The following FAM120C variants were observed in gnomAD, a reference collection of about 807,000 sequenced individuals.
FAM120C encodes family with sequence similarity 120 member C, also known as constitutive coactivator of PPAR-gamma-like protein 2.
Under a neutral mutation model 71.2 loss-of-function variants are expected in FAM120C, and 14 were observed. That is an observed-to-expected ratio of 0.20 (90% CI 0.13 to 0.31). The LOEUF (loss-of-function observed/expected upper bound fraction) is 0.31. FAM120C is among the 10% of genes least tolerant of loss of function. The probability of loss-of-function intolerance (pLI) is 1.00; values close to 1 mark genes in which losing one functional copy is unlikely to be tolerated. For synonymous variants in FAM120C, 354 were observed against 353.2 expected (o/e 1.00, Z -0.03); for missense variants, 500 against 879.0 (o/e 0.57, Z 5.45).
At chrX:54,098,754 G>T in intron 10 of FAM120C, among the ~76,000 whole-genome samples, 1 of 111,014 alleles carries the variant, frequency 9.0e-6, no homozygotes, top group South Asian at 3.8e-4. Flanking sequence ...CTCCTGAGTA[G>T]CTGGGATTAC....
At chrX:54,174,793 T>C (rs1169407887) in intron 1 of FAM120C, among the ~76,000 whole-genome samples, 1 of 111,842 alleles carries the variant, frequency 8.9e-6, no homozygotes, top group Non-Finnish European at 1.9e-5. Context: ...AATGCAAAAA[T>C]ACATGCATGG....
At position 54,071,957 on chromosome X, in the gene FAM120C, T is replaced by C. The variant is rs1557120079; in HGVS notation, c.*1076A>G. ...CCATGTATGTATGTATGTATGTATG[T>C]ATGTATGTATGTGTGTATATATGTG... On this transcript the variant is annotated 3_prime_UTR_variant, in exon 16 of 16. Transcript: ENST00000375180. The C allele has an allele frequency of 1.9e-5, 2 of 104,038 alleles. No individual in the cohort carries two copies. The highest frequency in any genetic ancestry group is 3.9e-5 in the Non-Finnish European group (2 of 50,938). 8.6% of individuals were successfully genotyped at this position (104,038 alleles called of 1,213,427 possible). A position where few individuals can be genotyped will look rare whatever the true frequency, so the allele number is the denominator to read the frequency against.
Position 54,183,250 on chromosome X carries a change from G to A in FAM120C, c.-52C>T, listed in dbSNP as rs1255072701. On this transcript the variant is annotated 5_prime_UTR_variant, in exon 1 of 16. Transcript: ENST00000375180. ...CGGCTGCGCAAGCAGGATAGGCGAC[G>A]ATCTGGGCGCGAAGCTGGGGGCGGG... 2 of 795,269 alleles carry A rather than the reference G, an allele frequency of 2.5e-6. No individual in the cohort carries two copies. The allele number at this position is 795,269 out of a possible 1,213,427, so 65.5% of individuals were successfully genotyped here. A position where few individuals can be genotyped will look rare whatever the true frequency, so the allele number is the denominator to read the frequency against.
rs2067096142 is a variant in FAM120C at position 54,136,655 on chromosome X, T to A, written c.1159-65A>T. 1.3e-5 allele frequency: 10 copies of A among 748,530 alleles called. No individual in the cohort carries two copies. The South Asian group carries it at 2.5e-4, about 19-fold the overall frequency. 61.7% of individuals were successfully genotyped at this position (748,530 alleles called of 1,213,427 possible). A position where few individuals can be genotyped will look rare whatever the true frequency, so the allele number is the denominator to read the frequency against. On this transcript the variant is annotated intron_variant, in intron 4 of 15. Transcript: ENST00000375180. Reference sequence around the variant, plus strand: ...GAGAGTGTTTTTTTAATACAGTTCATAATTTGGGAATCAAAATAATTATCA... The same window carrying A: ...GAGAGTGTTTTTTTAATACAGTTCAAAATTTGGGAATCAAAATAATTATCA...
At chrX:54,125,356 T>A (rs2067021543) in intron 9 of FAM120C, among the ~76,000 whole-genome samples, 2 of 111,407 alleles carry the variant, frequency 1.8e-5, no homozygotes, top group East Asian at 5.6e-4. Context: ...TACAGTGCAG[T>A]GGAGTGATCT....
chrX:54,073,487 G>A (rs886646306), intron 15 of FAM120C, among the ~76,000 whole-genome samples, 200 bp from the exon 16 acceptor site: 19 of 108,575 alleles, frequency 1.7e-4, no homozygotes, highest in African/African-American at 6.1e-4. Context: ...CTGGGGTGTA[G>A]TCTGCAATCT....
chrX:54,096,280 G>A (rs1178025151), intron 10 of FAM120C, among the ~76,000 whole-genome samples: 5 of 110,224 alleles, frequency 4.5e-5, no homozygotes, highest in South Asian at 3.9e-4. Context: ...GTGTGGTGGC[G>A]TGCGCCTGTA....
At chrX:54,154,972 G>A (rs782015907) in intron 3 of FAM120C, among the ~76,000 whole-genome samples, 1 of 110,933 alleles carries the variant, frequency 9.0e-6, no homozygotes. Context: ...AGGCTGAGGT[G>A]GGAAGATCGC....
intron 4 of FAM120C, among the ~76,000 whole-genome samples, chrX:54,145,407 A>C (rs2067149705): frequency 8.9e-6 from 1 of 111,914 alleles, no homozygotes; most frequent in Non-Finnish European, 1.9e-5. Context: ...AAATTTTTAC[A>C]ATCTACCCAT....
At chrX:54,127,693 C>T (rs180836723) in intron 9 of FAM120C, among the ~76,000 whole-genome samples, 4 of 109,023 alleles carry the variant, frequency 3.7e-5, no homozygotes, top group Admixed American at 3.0e-4. Context: ...TGGATACAAG[C>T]AATCCTCTGG....
chrX:54,110,009 ATC>A (rs1299986121), intron 10 of FAM120C, among the ~76,000 whole-genome samples: 24 of 62,117 alleles, frequency 3.9e-4, no homozygotes, highest in African/African-American at 1.5e-3. Context: ...GTAGAAAAAT[ATC>A]TTTTTTTTTT....
intron 15 of FAM120C, among the ~76,000 whole-genome samples, chrX:54,075,847 G>A (rs782562880): frequency 7.8e-4 from 85 of 109,221 alleles, no homozygotes; most frequent in African/African-American, 2.7e-3. Flanking sequence ...GGGTGTGGTA[G>A]CTCACGCCTG....
intron 12 of FAM120C, among the ~76,000 whole-genome samples, chrX:54,086,754 C>CAAAAAA (rs60485302): frequency 1.7e-5 from 1 of 58,128 alleles, no homozygotes; most frequent in Non-Finnish European, 2.9e-5. Context: ...GAATCTGTCT[C>CAAAAAA]AAAAAAAAAA....
At chrX:54,154,255 T>C (rs1218750981) in intron 3 of FAM120C, among the ~76,000 whole-genome samples, 1 of 71,621 alleles carries the variant, frequency 1.4e-5, no homozygotes, top group South Asian at 8.7e-4. Flanking sequence ...AAATGAGATG[T>C]GGGGTATGGG....
intron 15 of FAM120C, among the ~76,000 whole-genome samples, chrX:54,077,102 T>C (rs782563895): frequency 4.5e-5 from 5 of 110,111 alleles, no homozygotes; most frequent in South Asian, 4.0e-4. Flanking sequence ...GCTAATATCA[T>C]TGGTCTGATT....
rs781872460 is a variant in FAM120C, at chrX:54,085,957, C to T, written c.2638-41G>A. 5.7e-5 allele frequency: 65 copies of T among 1,133,834 alleles called. No individual in the cohort carries two copies. In the Admixed American group the frequency reaches 1.1e-3, roughly 19 times the overall value. 93.4% of individuals were successfully genotyped at this position (1,133,834 alleles called of 1,213,427 possible). A position where few individuals can be genotyped will look rare whatever the true frequency, so the allele number is the denominator to read the frequency against. On this transcript the variant is annotated intron_variant, in intron 12 of 15. Coordinates refer to ENST00000375180, the MANE Select transcript of FAM120C (RefSeq NM_017848.6). ...AGTAATAATAGCAGCTGCCATTTTT[C>T]GAACTTGTCCCATGTTTTAGGCCCA...
chrX:54,080,852 C>T (rs1320599618), intron 14 of FAM120C, among the ~76,000 whole-genome samples: 2 of 77,672 alleles, frequency 2.6e-5, no homozygotes, highest in African/African-American at 9.0e-5. Context: ...ACAAGTGAAA[C>T]TCCATCTCAA....
At chrX:54,164,517 C>G (rs2067250717) in intron 1 of FAM120C, among the ~76,000 whole-genome samples, 1 of 111,918 alleles carries the variant, frequency 8.9e-6, no homozygotes, top group Admixed American at 9.5e-5. Context: ...GGAATTTGTC[C>G]TTTTGTGACT....
intron 15 of FAM120C, among the ~76,000 whole-genome samples, chrX:54,075,601 A>G (rs1475089345): frequency 9.2e-6 from 1 of 109,186 alleles, no homozygotes; most frequent in Non-Finnish European, 1.9e-5. Context: ...GTTGAGCACC[A>G]GCCTGACCAA....
Sources: gnomAD v4.1 joint callset for allele counts (sites outside exome capture counted in the v4.1 genomes callset) on GRCh38, gnomAD v4.1.1 for gene constraint, MANE v1.5 for transcripts, NCBI Gene and HGNC (gene_info 2026-07-23, HGNC 2026-07-21) for gene names.